BRD8: variants seen among roughly 807,000 people sequenced by gnomAD.
BRD8 encodes bromodomain containing 8, also known as bromodomain-containing protein 8.
A neutral mutation model predicts 143.1 loss-of-function variants in BRD8; 67 were observed. The observed-to-expected ratio is 0.47, with a 90% CI of 0.38 to 0.57. BRD8 has a LOEUF of 0.57. BRD8 is among the 20% of genes least tolerant of loss of function. The probability of loss-of-function intolerance (pLI) is 0.00; values close to 1 mark genes in which losing one functional copy is unlikely to be tolerated. For synonymous variants in BRD8, 505 were observed against 517.1 expected (o/e 0.98, Z 0.32); for missense variants, 1,103 against 1,503.0 (o/e 0.73, Z 4.40).
chr5:138,160,048 G>C lies in BRD8; in HGVS notation c.2532+21C>G, dbSNP rs751620991. 4.4e-6 allele frequency: 7 copies of C among 1,583,772 alleles called. No homozygotes were observed. In the African/African-American group the frequency reaches 8.1e-5, roughly 18 times the overall value. On this transcript the variant is annotated intron_variant, in intron 19 of 26. Coordinates refer to ENST00000254900, the MANE Select transcript of BRD8 (RefSeq NM_139199.2). ...CTACTACTGGAACACTGGCACACAG[G>C]TTCCTTCCTGATCGCCTCACCTTCT... is the stretch of plus-strand genomic sequence containing the variant.
rs1163641632 is a variant in BRD8, at chr5:138,178,467, C to G, written c.19+129G>C. On this transcript the variant is annotated intron_variant, in intron 1 of 26. Coordinates refer to ENST00000254900, the MANE Select transcript of BRD8 (RefSeq NM_139199.2). ...CGTTGGTCTTCACGATGCTGTAGAG[C>G]GCAGGTCTCTGAAAACCCTGGGCTC... 4 of 871,550 alleles carry G rather than the reference C, an allele frequency of 4.6e-6. No homozygotes were observed. In the East Asian group the frequency reaches 9.6e-5, roughly 21 times the overall value. The allele number at this position is 871,550 out of a possible 1,614,324, so 54.0% of individuals were successfully genotyped here.
chr5:138,166,238 G>T, intron 10 of BRD8, 130 bp from the exon 11 acceptor site: 1 of 714,410 alleles, frequency 1.4e-6, no homozygotes, highest in East Asian at 2.5e-5. Flanking sequence ...TCATCAACAT[G>T]TGCCTATGTT....
At chr5:138,156,969 T>C (rs1752642406) in intron 20 of BRD8, 2 of 1,322,668 alleles carry the variant, frequency 1.5e-6, no homozygotes, top group South Asian at 1.9e-5. Flanking sequence ...GACAAGACAA[T>C]ACAAACTAGC....
intron 4 of BRD8, 27 bp downstream of exon 4, chr5:138,171,334 G>A: frequency 1.3e-6 from 2 of 1,586,720 alleles, no homozygotes; most frequent in Non-Finnish European, 1.7e-6. Context: ...AAAGAAATAT[G>A]GCTGAAGTAC....
chr5:138,172,758 A>G (rs1370133758), intron 2 of BRD8: 1 of 435,864 alleles, frequency 2.3e-6, no homozygotes, highest in African/African-American at 2.1e-5. Flanking sequence ...CAGCTGAGGT[A>G]GGAGGATCCC....
At chr5:138,165,780 G>A (rs1561612915) in intron 11 of BRD8, 48 bp downstream of exon 11, 2 of 1,496,838 alleles carry the variant, frequency 1.3e-6, no homozygotes, top group Admixed American at 4.1e-5. Flanking sequence ...GAAAAGAGAA[G>A]CCTATGTAGG....
chr5:138,173,005 G>A (rs1754015012), intron 2 of BRD8, among the ~76,000 whole-genome samples: 1 of 152,194 alleles, frequency 6.6e-6, no homozygotes, highest in African/African-American at 2.4e-5. Context: ...ACGGGGGATA[G>A]TAACGGGAGG....
chr5:138,174,572 C>A (rs1017728714), intron 2 of BRD8, among the ~76,000 whole-genome samples: 1 of 149,090 alleles, frequency 6.7e-6, no homozygotes, highest in Non-Finnish European at 1.5e-5. Context: ...CTCCAGCCTG[C>A]GCAACAGAGA....
intron 2 of BRD8, among the ~76,000 whole-genome samples, chr5:138,174,096 C>T (rs1754111251): frequency 6.6e-6 from 1 of 152,076 alleles, no homozygotes; most frequent in Non-Finnish European, 1.5e-5. Context: ...ATCCTCCAGG[C>T]TCAACCATGG....
At chr5:138,148,165 AAAAAAAAAAAAG>A (rs1410869348) in intron 23 of BRD8, among the ~76,000 whole-genome samples, 2 of 150,148 alleles carry the variant, frequency 1.3e-5, no homozygotes, top group African/African-American at 5.0e-5. Flanking sequence ...GCTGGAAAAA[AAAAAAAAAAAAG>A]AAAAAAAAAA....
chr5:138,159,920 G>C (rs1405774148), intron 19 of BRD8, 149 bp downstream of exon 19: 1 of 656,730 alleles, frequency 1.5e-6, no homozygotes, highest in Non-Finnish European at 2.7e-6. Context: ...GTTTAGATGG[G>C]TGCAAACCAC....
chr5:138,172,224 G>A (rs1032091508), intron 2 of BRD8, 90 bp from the exon 3 acceptor site: 8 of 1,091,092 alleles, frequency 7.3e-6, no homozygotes, highest in Non-Finnish European at 1.1e-5. Flanking sequence ...TCAAACTTTG[G>A]AATAAAAAAG....
rs766077957 is a variant in BRD8, at chr5:138,164,879, G to C, written c.1566C>G (p.Ala522=). 12 of 1,613,944 alleles carry C rather than the reference G, an allele frequency of 7.4e-6. No homozygotes were observed. The highest frequency in any genetic ancestry group is 2.2e-5 in the East Asian group (1 of 44,886). The change falls in exon 12 of 27, where the codon GCC becomes GCG. Residue 522 remains alanine (A), a synonymous_variant. Coordinates refer to ENST00000254900, the MANE Select transcript of BRD8 (RefSeq NM_139199.2). The part of the protein sequence containing the change: ...PAEPEPVISG[A]EIVAGVVPAT... Reference sequence around the variant, plus strand: ...CTGGAACAACTCCAGCTACTATTTCGGCTCCTGAAATGACTGGCTCTGGTT... The same window carrying C: ...CTGGAACAACTCCAGCTACTATTTCCGCTCCTGAAATGACTGGCTCTGGTT...
At chr5:138,159,481 C>G (rs1752836594) in intron 20 of BRD8, 74 bp downstream of exon 20, 1 of 1,526,024 alleles carries the variant, frequency 6.6e-7, no homozygotes, top group East Asian at 2.2e-5. Context: ...TTGGATTTCC[C>G]TCTGCCACCC....
chr5:138,161,365 C>T, intron 17 of BRD8: 2 of 298,428 alleles, frequency 6.7e-6, no homozygotes, highest in Non-Finnish European at 1.2e-5. Flanking sequence ...CCTCGAACTT[C>T]CAGGCTCAAG....
intron 19 of BRD8, 69 bp downstream of exon 19, chr5:138,160,000 G>C (rs1295247365): frequency 8.8e-7 from 1 of 1,135,900 alleles, no homozygotes; most frequent in Non-Finnish European, 1.3e-6. Flanking sequence ...AGTAACATAA[G>C]GGTCCTTGGA....
intron 20 of BRD8, among the ~76,000 whole-genome samples, chr5:138,155,920 C>T (rs1228119676): frequency 6.6e-6 from 1 of 152,122 alleles, no homozygotes; most frequent in South Asian, 2.1e-4. Flanking sequence ...TTCACCCAGG[C>T]TGGAGTGCAG....
intron 24 of BRD8, 27 bp from the exon 25 acceptor site, chr5:138,145,272 TAAAG>T: frequency 1.9e-6 from 3 of 1,606,104 alleles, no homozygotes; most frequent in Non-Finnish European, 1.7e-6. Flanking sequence ...CCAGAGAGGA[TAAAG>T]AAACCCTGGC....
Position 138,164,880 on chromosome 5 carries a change from G to A in BRD8, c.1565C>T (p.Ala522Val). Residue 522 changes from alanine to valine, a missense_variant, in exon 12 of 27, where the codon GCC becomes GTC. By Grantham distance (64) the Ala-to-Val change is moderately conservative. Around this residue, in one of 7 missense-constraint regions of BRD8, gnomAD observed 139 missense variants for 139.0 expected, o/e 1.00. Transcript: ENST00000254900. ...TGGAACAACTCCAGCTACTATTTCG[G>A]CTCCTGAAATGACTGGCTCTGGTTC... ...PAEPEPVISG[A>V]EIVAGVVPAT... 1 of 1,614,114 alleles carries A rather than the reference G, an allele frequency of 6.2e-7. No homozygotes were observed. Among genetic ancestry groups the A allele is most frequent in the Non-Finnish European group, 8.5e-7 (1 of 1,180,024 alleles).
Sources: allele counts gnomAD v4.1 joint callset (sites outside exome capture counted in the v4.1 genomes callset), GRCh38; gene constraint gnomAD v4.1.1; regional missense constraint gnomAD v4.1.1; transcripts MANE v1.5; gene names NCBI Gene and HGNC (gene_info 2026-07-23, HGNC 2026-07-21).